Variants in TULP4 observed in about 807,000 individuals in gnomAD.
TULP4 encodes the protein TUB like protein 4.
TULP4 carries 16 observed loss-of-function variants against 129.0 expected under a neutral mutation model. That is an observed-to-expected ratio of 0.12 (90% CI 0.08 to 0.19). The LOEUF (loss-of-function observed/expected upper bound fraction) is 0.19, where lower values mean the gene tolerates loss of function less well. Ranked by LOEUF, TULP4 falls within the 10% of genes least tolerant of loss-of-function variation. The pLI, the probability that TULP4 is intolerant of heterozygous loss-of-function variation, is 1.00. For synonymous variants in TULP4, 998 were observed against 854.0 expected (o/e 1.17, Z -2.94); for missense variants, 1,842 against 2,059.1 (o/e 0.89, Z 2.04).
rs780508685 is a variant in TULP4, at chr6:158,503,149, C to T, written c.3486C>T (p.Asp1162=). 2.4e-5 allele frequency: 39 copies of T among 1,613,372 alleles called. No homozygotes were observed. The highest frequency in any genetic ancestry group is 6.7e-5 in the East Asian group (3 of 44,870). Residue 1162 remains aspartate (D), a synonymous_variant, in exon 13 of 14, where the codon GAC becomes GAT. Coordinates refer to ENST00000367097, the MANE Select transcript of TULP4 (RefSeq NM_020245.5). This position sits in a 1 kb window ranked among gnomAD's most constrained non-coding sequence, Gnocchi z 4.3. The part of the protein sequence containing the change: ...SLMLSQGQHL[D]VSRLPFISPK... ...TGCTGAGTCAGGGCCAGCACCTGGACGTGTCCCGACTGCCCTTCATCTCCC... is the reference window on the plus strand; with the variant it reads ...TGCTGAGTCAGGGCCAGCACCTGGATGTGTCCCGACTGCCCTTCATCTCCC...
At chr6:158,384,280 C>G (rs1045909845) in intron 1 of TULP4, among the ~76,000 whole-genome samples, 1 of 140,970 alleles carries the variant, frequency 7.1e-6, no homozygotes, top group Admixed American at 7.4e-5. Context: ...GAACCACATG[C>G]CTGTTTAGCT....
rs1780681851 is a variant in TULP4, at chr6:158,509,411, G to A, written c.*2717G>A. On this transcript the variant is annotated 3_prime_UTR_variant, in exon 14 of 14. Transcript: ENST00000367097. ...ATAAAAAGGGGAGACCTATTAGAATGAGAGTAGCCAAGGAAAGAGTTACTA... is the reference window on the plus strand; with the variant it reads ...ATAAAAAGGGGAGACCTATTAGAATAAGAGTAGCCAAGGAAAGAGTTACTA... The A allele has an allele frequency of 6.6e-6, 1 of 152,088 alleles. No homozygotes were observed. The highest frequency in any genetic ancestry group is 2.1e-4 in the South Asian group (1 of 4,824). The allele number at this position is 152,088 out of a possible 1,614,324, so 9.4% of individuals were successfully genotyped here.
At chr6:158,306,041 G>C (rs1191315130) in intron 1 of TULP4, among the ~76,000 whole-genome samples, 1 of 151,798 alleles carries the variant, frequency 6.6e-6, no homozygotes, top group Non-Finnish European at 1.5e-5. Flanking sequence ...TGCTTTGATT[G>C]TTCTTTTTTG....
chr6:158,300,588 T>C (rs1424840153), intron 1 of TULP4, among the ~76,000 whole-genome samples: 2 of 152,194 alleles, frequency 1.3e-5, no homozygotes, highest in Non-Finnish European at 2.9e-5. Flanking sequence ...TCCAGGGGCA[T>C]TGTCTGTCTT....
In TULP4 at chr6:158,408,418, A is replaced by G. The variant is rs537231775; in HGVS notation, c.253-4647A>G. On this transcript the variant is annotated intron_variant, in intron 1 of 13. Transcript: ENST00000367097. Reference sequence around the variant, plus strand: ...ATTAAAGAGGAAACTGTATATGTAAATACTGTGCTGAAGCAGTCTTTATCT... The same window carrying G: ...ATTAAAGAGGAAACTGTATATGTAAGTACTGTGCTGAAGCAGTCTTTATCT... Among the ~76,000 whole-genome samples, 16 of 152,302 alleles carry G rather than the reference A, an allele frequency of 1.1e-4. No homozygotes were observed. The South Asian group carries it at 3.3e-3, about 32-fold the overall frequency.
intron 1 of TULP4, among the ~76,000 whole-genome samples, chr6:158,232,583 G>A (rs1378690225): frequency 6.6e-6 from 1 of 152,002 alleles, no homozygotes; most frequent in Admixed American, 6.5e-5. Context: ...TGGGGCGAAA[G>A]CTGAGCGCGG....
In TULP4 at chr6:158,385,763, TCTC is replaced by T. The variant is rs1399011443; in HGVS notation, c.253-27300_253-27298del. 2.7e-5 allele frequency among the ~76,000 whole-genome samples: 4 copies of T among 148,886 alleles called. No homozygotes were observed. The East Asian group carries it at 7.7e-4, about 29-fold the overall frequency. ...GTTCCTTATAACTTTTACCCTCTCT[TCTC>T]CAAAATAGTCTTGCCATCAGATATG... On this transcript the variant is annotated intron_variant, in intron 1 of 13. Coordinates refer to ENST00000367097, the MANE Select transcript of TULP4 (RefSeq NM_020245.5).
At chr6:158,424,123 C>G (rs933111460) in intron 2 of TULP4, among the ~76,000 whole-genome samples, 29 of 152,272 alleles carry the variant, frequency 1.9e-4, no homozygotes, top group Admixed American at 9.2e-4. Flanking sequence ...TGCCCGTGTT[C>G]ATACAGTCAT....
chr6:158,394,750 G>GCACTC (rs1274601715), intron 1 of TULP4, among the ~76,000 whole-genome samples: 12 of 121,846 alleles, frequency 9.8e-5, no homozygotes, highest in Admixed American at 2.2e-4. Flanking sequence ...TTGTGCTACT[G>GCACTC]CACTCCAGCC....
At chr6:158,261,984 T>A (rs1778360225) in intron 1 of TULP4, among the ~76,000 whole-genome samples, 1 of 152,172 alleles carries the variant, frequency 6.6e-6, no homozygotes, top group Admixed American at 6.5e-5. Flanking sequence ...CTGTTATGCT[T>A]CATCAGCAAC....
At chr6:158,412,022 A>C (rs1242313166) in intron 1 of TULP4, among the ~76,000 whole-genome samples, 1 of 152,200 alleles carries the variant, frequency 6.6e-6, no homozygotes, top group Non-Finnish European at 1.5e-5. Flanking sequence ...ATTCATAGCA[A>C]GAGTACTCTT....
At chr6:158,406,104 T>C (rs1001937947) in intron 1 of TULP4, among the ~76,000 whole-genome samples, 8 of 152,108 alleles carry the variant, frequency 5.3e-5, no homozygotes, top group Non-Finnish European at 1.0e-4. Context: ...TGAATACTCA[T>C]TGGCTGAGTG....
intron 6 of TULP4, among the ~76,000 whole-genome samples, chr6:158,477,207 G>A (rs993127505): frequency 2.6e-5 from 4 of 152,098 alleles, no homozygotes; most frequent in African/African-American, 9.7e-5. Flanking sequence ...AAAGATATAA[G>A]AGACACATAC....
chr6:158,373,259 C>T (rs1381964739), intron 1 of TULP4, among the ~76,000 whole-genome samples: 2 of 152,220 alleles, frequency 1.3e-5, no homozygotes, highest in African/African-American at 4.8e-5. Context: ...TTAACCTGTT[C>T]AGTCAACCCT....
At chr6:158,462,736 CTTTTTTTTTCCTTTTTT>C (rs1196756634) in intron 6 of TULP4, among the ~76,000 whole-genome samples, 4 of 129,012 alleles carry the variant, frequency 3.1e-5, no homozygotes, top group African/African-American at 9.1e-5. Context: ...TACCCTATGT[CTTTTTTTTTCCTTTTTT>C]TTTTTTTTTT....
intron 1 of TULP4, among the ~76,000 whole-genome samples, chr6:158,370,554 A>G (rs1468799374): frequency 6.6e-6 from 1 of 150,894 alleles, no homozygotes; most frequent in Non-Finnish European, 1.5e-5. Context: ...ATAATAAATA[A>G]TAAAAATACC....
In TULP4 at chr6:158,509,185, C is replaced by T. The variant is rs74320944; in HGVS notation, c.*2491C>T. 0.11 allele frequency: 16,896 copies of T among 151,878 alleles called. 1,121 individuals carry two copies. Among genetic ancestry groups the T allele is most frequent in the Non-Finnish European group, 0.14 (9,537 of 67,956 alleles). 9.4% of individuals were successfully genotyped at this position (151,878 alleles called of 1,614,324 possible). On this transcript the variant is annotated 3_prime_UTR_variant, in exon 14 of 14. Coordinates refer to ENST00000367097, the MANE Select transcript of TULP4 (RefSeq NM_020245.5). ...GATTACAGACGTGAGCCACCACTCC[C>T]GGCCCATAGAAGGTTTTTTGCTGGA...
At chr6:158,392,115 C>G (rs1218874415) in intron 1 of TULP4, among the ~76,000 whole-genome samples, 1 of 152,166 alleles carries the variant, frequency 6.6e-6, no homozygotes, top group East Asian at 1.9e-4. Context: ...CTAGGGAGGC[C>G]TCACAATCAC....
chr6:158,438,819 A>G (rs1778814598), intron 3 of TULP4, among the ~76,000 whole-genome samples: 1 of 152,088 alleles, frequency 6.6e-6, no homozygotes, highest in Non-Finnish European at 1.5e-5. Flanking sequence ...TCCTGACTTC[A>G]GGTGATCTGC....
Sources: allele counts gnomAD v4.1 joint callset (sites outside exome capture counted in the v4.1 genomes callset), GRCh38; gene constraint gnomAD v4.1.1; non-coding constraint Gnocchi (gnomAD v3.1); transcripts MANE v1.5; gene names NCBI Gene and HGNC (gene_info 2026-07-23, HGNC 2026-07-21).